Variants in ERLIN1 observed in about 807,000 individuals in gnomAD.
The protein encoded by ERLIN1 is erlin-1.
ERLIN1 carries 24 observed loss-of-function variants against 46.9 expected under a neutral mutation model. That is an observed-to-expected ratio of 0.51 (90% CI 0.37 to 0.72). The LOEUF (loss-of-function observed/expected upper bound fraction) is 0.72, where lower values mean the gene tolerates loss of function less well. Among genes scored for constraint, ERLIN1 ranks in the 30% least tolerant of loss-of-function variants. The probability of loss-of-function intolerance (pLI) is 0.00; values close to 1 mark genes in which losing one functional copy is unlikely to be tolerated. For missense variants in ERLIN1, 293 were observed against 417.9 expected (o/e 0.70, Z 2.61); for synonymous variants, 158 against 143.2 (o/e 1.10, Z -0.74).
chr10:100,179,946 AT>A (rs1844543393), intron 2 of ERLIN1, among the ~76,000 whole-genome samples: 1 of 152,324 alleles, frequency 6.6e-6, no homozygotes, highest in East Asian at 1.9e-4. Context: ...TAATATTACT[AT>A]TTATGTTGAA....
In ERLIN1 at chr10:100,185,834, G is replaced by C. The variant is rs192390773; in HGVS notation, c.-208C>G. On this transcript the variant is annotated 5_prime_UTR_variant, in exon 1 of 11. Coordinates refer to ENST00000421367, the MANE Select transcript of ERLIN1 (RefSeq NM_006459.4). ...CTCCTCCGCCCCCGGAGGCCAGTGGGCCGCCCCTGCTCGGTGAGCTTCCTG... is the reference window on the plus strand; with the variant it reads ...CTCCTCCGCCCCCGGAGGCCAGTGGCCCGCCCCTGCTCGGTGAGCTTCCTG... 2 of 586,520 alleles carry C rather than the reference G, an allele frequency of 3.4e-6. No individual in the cohort carries two copies. Among genetic ancestry groups the C allele is most frequent in the African/African-American group, 3.7e-5 (2 of 53,358 alleles). The allele number at this position is 586,520 out of a possible 1,614,324, so 36.3% of individuals were successfully genotyped here. A position where few individuals can be genotyped will look rare whatever the true frequency, so the allele number is the denominator to read the frequency against.
chr10:100,169,278 C>G (rs1227691336), intron 6 of ERLIN1, among the ~76,000 whole-genome samples: 1 of 151,994 alleles, frequency 6.6e-6, no homozygotes, highest in Non-Finnish European at 1.5e-5. Flanking sequence ...CCATCCCACT[C>G]ACATACATAG....
In ERLIN1 at chr10:100,152,362, A is replaced by AG; in HGVS notation, c.826-11dup. ...CCGGGGTCAACTTGTGCTGTGTGGG[A>AG]GCAAACAAGAGCAAAGGCATCAGAA... On this transcript the variant is annotated splice_polypyrimidine_tract_variant and intron_variant, in intron 10 of 10. Coordinates refer to ENST00000421367, the MANE Select transcript of ERLIN1 (RefSeq NM_006459.4). 3 of 1,480,896 alleles carry AG rather than the reference A, an allele frequency of 2.0e-6. No individual in the cohort carries two copies. Among genetic ancestry groups the AG allele is most frequent in the Non-Finnish European group, 2.8e-6 (3 of 1,056,936 alleles). The allele number at this position is 1,480,896 out of a possible 1,614,324, so 91.7% of individuals were successfully genotyped here.
chr10:100,183,751 C>T lies in ERLIN1; in HGVS notation c.195+5G>A. The T allele has an allele frequency of 1.3e-6, 2 of 1,598,398 alleles. No homozygotes were observed. Among genetic ancestry groups the T allele is most frequent in the Non-Finnish European group, 1.7e-6 (2 of 1,168,532 alleles). ...GTATGGAGGCTTCCCCTAGGAATCA[C>T]TCACCTGCACAGATCTGAACGTAGT... On this transcript the variant is annotated splice_donor_5th_base_variant and intron_variant, in intron 2 of 10. Coordinates refer to ENST00000421367, the MANE Select transcript of ERLIN1 (RefSeq NM_006459.4).
In ERLIN1 at chr10:100,150,725, T is replaced by C. The variant is rs1564791990; in HGVS notation, c.*1406A>G. The C allele has an allele frequency of 1.3e-5, 2 of 152,566 alleles. No individual in the cohort carries two copies. The highest frequency in any genetic ancestry group is 6.5e-5 in the Admixed American group (1 of 15,272). 9.5% of individuals were successfully genotyped at this position (152,566 alleles called of 1,614,324 possible). A position where few individuals can be genotyped will look rare whatever the true frequency, so the allele number is the denominator to read the frequency against. ...TAGAAGTGGTCCCATGACTTTTTTGTTGAGCTTCAACATAGCGTACACAAG... is the reference window on the plus strand; with the variant it reads ...TAGAAGTGGTCCCATGACTTTTTTGCTGAGCTTCAACATAGCGTACACAAG... On this transcript the variant is annotated 3_prime_UTR_variant, in exon 11 of 11. Coordinates refer to ENST00000421367, the MANE Select transcript of ERLIN1 (RefSeq NM_006459.4).
At chr10:100,172,844 A>G (rs1373232769) in intron 6 of ERLIN1, among the ~76,000 whole-genome samples, 2 of 152,248 alleles carry the variant, frequency 1.3e-5, no homozygotes, top group Admixed American at 1.3e-4. Flanking sequence ...GCTAAGTAAT[A>G]TAAGGCAAGG....
Position 100,152,152 on chromosome 10 carries a change from T to G in ERLIN1, c.1026A>C (p.Gln342His), listed in dbSNP as rs373603837. 1.2e-6 allele frequency: 2 copies of G among 1,612,342 alleles called. No individual in the cohort carries two copies. Among genetic ancestry groups the G allele is most frequent in the Non-Finnish European group, 1.7e-6 (2 of 1,178,476 alleles). Reference sequence around the variant, plus strand: ...TGCATCAACCTGTGCTCTCTTTGTTTTGGATGACGTTCTCTCCAGAGGGTT... The same window carrying G: ...TGCATCAACCTGTGCTCTCTTTGTTGTGGATGACGTTCTCTCCAGAGGGTT... ...ALEPSGENVI[Q>H]NKESTG Residue 342 changes from glutamine (Q) to histidine (H), a missense_variant, in exon 11 of 11, where the codon CAA becomes CAC. Physicochemically the swap from Gln to His is conservative, Grantham distance 24. This residue lies in a region of ERLIN1 where 69 missense variants were observed against 74.5 expected (regional missense o/e 0.93). Transcript: ENST00000421367.
At chr10:100,167,245 C>T in intron 7 of ERLIN1, 103 bp downstream of exon 7, 1 of 831,058 alleles carries the variant, frequency 1.2e-6, no homozygotes. Context: ...AAGACACATA[C>T]TCCACCCCAG....
rs957269682 is a variant in ERLIN1 at position 100,185,930 on chromosome 10, C to T, written c.-304G>A. 10 of 454,334 alleles carry T rather than the reference C, an allele frequency of 2.2e-5. No homozygotes were observed. Among genetic ancestry groups the T allele is most frequent in the South Asian group, 4.8e-5 (1 of 21,040 alleles). 28.1% of individuals were successfully genotyped at this position (454,334 alleles called of 1,614,324 possible). The stretch of plus-strand genomic sequence containing the variant: ...GAGAAGAAGCCCAGCCGCAGGCTCG[C>T]GAGGAAAGCCGACCCCTCGGCCGCG... On this transcript the variant is annotated 5_prime_UTR_variant, in exon 1 of 11. Coordinates refer to ENST00000421367, the MANE Select transcript of ERLIN1 (RefSeq NM_006459.4).
At chr10:100,174,849 C>T (rs1009488776) in intron 5 of ERLIN1, among the ~76,000 whole-genome samples, 7 of 152,144 alleles carry the variant, frequency 4.6e-5, no homozygotes, top group Non-Finnish European at 8.8e-5. Flanking sequence ...GAAATATACA[C>T]AGCATGAACA....
At chr10:100,162,138 T>C (rs1843392664) in intron 8 of ERLIN1, among the ~76,000 whole-genome samples, 1 of 152,070 alleles carries the variant, frequency 6.6e-6, no homozygotes, top group Non-Finnish European at 1.5e-5. Context: ...ATGTTGGAAA[T>C]GCATAAATCT....
At chr10:100,154,716 C>T (rs1842983554) in intron 10 of ERLIN1, 144 bp downstream of exon 10, 2 of 655,434 alleles carry the variant, frequency 3.1e-6, no homozygotes, top group Middle Eastern at 2.5e-4. Context: ...ATATTTCTTG[C>T]TAACTGACTA....
chr10:100,168,096 G>A (rs1053396416), intron 6 of ERLIN1, among the ~76,000 whole-genome samples: 1 of 152,156 alleles, frequency 6.6e-6, no homozygotes, highest in Non-Finnish European at 1.5e-5. Context: ...GGACAGTACT[G>A]TTTTTTGAAG....
rs3835272 is a variant in ERLIN1 at position 100,174,322 on chromosome 10, A to AT, written c.431-42dup. 0.045 allele frequency: 62,817 copies of AT among 1,398,752 alleles called. 6,018 individuals are homozygous for AT. The highest frequency in any genetic ancestry group is 0.38 in the African/African-American group (25,723 of 68,026). The allele number at this position is 1,398,752 out of a possible 1,614,324, so 86.6% of individuals were successfully genotyped here. A position where few individuals can be genotyped will look rare whatever the true frequency, so the allele number is the denominator to read the frequency against. ...AGAACAACAGATCTCATGATAGTCA[A>AT]TTTTTTTTACATTGTATTCATAATG... On this transcript the variant is annotated intron_variant, in intron 5 of 10. Transcript: ENST00000421367.
At chr10:100,162,048 T>A (rs986822203) in intron 8 of ERLIN1, among the ~76,000 whole-genome samples, 2 of 152,088 alleles carry the variant, frequency 1.3e-5, no homozygotes, top group Admixed American at 1.3e-4. Flanking sequence ...AAAAGACTAA[T>A]GAATTTGTCT....
At chr10:100,166,071 G>A (rs904778857) in intron 7 of ERLIN1, among the ~76,000 whole-genome samples, 7 of 152,132 alleles carry the variant, frequency 4.6e-5, no homozygotes, top group African/African-American at 1.7e-4. Flanking sequence ...AATCTACCCA[G>A]CCTGGCAGTC....
rs1243627108 is a variant in ERLIN1 at position 100,174,194 on chromosome 10, G to A, written c.504+14C>T. 1 of 1,535,984 alleles carries A rather than the reference G, an allele frequency of 6.5e-7. No homozygotes were observed. Among genetic ancestry groups the A allele is most frequent in the South Asian group, 1.2e-5 (1 of 83,924 alleles). On this transcript the variant is annotated intron_variant, in intron 6 of 10. Coordinates refer to ENST00000421367, the MANE Select transcript of ERLIN1 (RefSeq NM_006459.4). ...TCAAAATCCCCAGAGAACTTCCCTA[G>A]GAAAAGAACTTACCTGTATAGTGAG...
At chr10:100,185,435 G>C (rs533092175) in intron 1 of ERLIN1, 79 bp downstream of exon 1, 29 of 1,144,082 alleles carry the variant, frequency 2.5e-5, no homozygotes, top group Non-Finnish European at 3.4e-5. Flanking sequence ...CGTTGCAGAG[G>C]GAACAACTTC....
chr10:100,166,350 C>G (rs1843639222), intron 7 of ERLIN1, among the ~76,000 whole-genome samples: 1 of 151,898 alleles, frequency 6.6e-6, no homozygotes. Flanking sequence ...ATCACTTGAG[C>G]CTGGGAGGTT....
Sources: allele counts gnomAD v4.1 joint callset (sites outside exome capture counted in the v4.1 genomes callset), GRCh38; gene constraint gnomAD v4.1.1; regional missense constraint gnomAD v4.1.1; transcripts MANE v1.5; gene names NCBI Gene and HGNC (gene_info 2026-07-23, HGNC 2026-07-21).